The following LPP variants were observed in gnomAD, a reference collection of about 807,000 sequenced individuals.
The protein encoded by LPP is LIM domain containing preferred translocation partner in lipoma, also known as lipoma-preferred partner.
LPP carries 38 observed loss-of-function variants against 60.4 expected under a neutral mutation model. That is an observed-to-expected ratio of 0.63 (90% CI 0.49 to 0.83). The LOEUF is 0.83. LPP is among the 40% of genes least tolerant of loss of function. The probability of loss-of-function intolerance (pLI) is 0.00; values close to 1 mark genes in which losing one functional copy is unlikely to be tolerated. For synonymous variants in LPP, 328 were observed against 290.8 expected, an observed-to-expected ratio of 1.13 and a Z score of -1.30; for missense variants, 902 against 783.6, an observed-to-expected ratio of 1.15 and a Z score of -1.80.
At chr3:188,464,303 C>T (rs1203886110) in intron 4 of LPP, among the ~76,000 whole-genome samples, 1 of 152,128 alleles carries the variant, frequency 6.6e-6, no homozygotes, top group East Asian at 1.9e-4. Context: ...TAGCTGCTAG[C>T]CCCATGTGAC....
intron 2 of LPP, among the ~76,000 whole-genome samples, chr3:188,291,822 G>A (rs1746079373): frequency 6.6e-6 from 1 of 152,008 alleles, no homozygotes; most frequent in Non-Finnish European, 1.5e-5. Context: ...GTGGATCTGT[G>A]GTTCAGAGAA....
chr3:188,171,928 A>G (rs1721702791), intron 1 of LPP, among the ~76,000 whole-genome samples: 1 of 152,224 alleles, frequency 6.6e-6, no homozygotes, highest in Admixed American at 6.5e-5. Flanking sequence ...GCAGACAGCC[A>G]GCAAGTAGCC....
chr3:188,374,637 T>C lies in LPP; in HGVS notation c.-9-31475T>C, dbSNP rs574983034. Reference sequence around the variant, plus strand: ...ATGATGGGGTTTTCTAGATATACAATCATGTCGTCTGCAAACAGGGCCAAT... The same window carrying C: ...ATGATGGGGTTTTCTAGATATACAACCATGTCGTCTGCAAACAGGGCCAAT... On this transcript the variant is annotated intron_variant, in intron 3 of 11. Transcript: ENST00000617246. Among the ~76,000 whole-genome samples, 529 of 152,296 alleles carry C rather than the reference T, an allele frequency of 3.5e-3. 5 individuals carry two copies. Among genetic ancestry groups the C allele is most frequent in the African/African-American group, 0.012 (483 of 41,570 alleles).
chr3:188,585,028 G>A (rs1182436947), intron 6 of LPP, among the ~76,000 whole-genome samples: 1 of 152,112 alleles, frequency 6.6e-6, no homozygotes, highest in African/African-American at 2.4e-5. Flanking sequence ...ATTACTCTAG[G>A]ATTTCCACTG....
chr3:188,872,769 G>A lies in LPP; in HGVS notation c.1710+6G>A, dbSNP rs769434950. 1.9e-6 allele frequency: 3 copies of A among 1,613,604 alleles called. No homozygotes were observed. The highest frequency in any genetic ancestry group is 1.7e-6 in the Non-Finnish European group (2 of 1,179,914). ...TTCACTGCTACCGATGCGAGGTCTG[G>A]TTGACAGCCCTGCCCTGCCAGTCTG... On this transcript the variant is annotated splice_donor_region_variant and intron_variant, in intron 11 of 11. Coordinates refer to ENST00000617246, the MANE Select transcript of LPP (RefSeq NM_001375462.1).
At chr3:188,302,363 A>G (rs1219352304) in intron 2 of LPP, among the ~76,000 whole-genome samples, 1 of 152,216 alleles carries the variant, frequency 6.6e-6, no homozygotes, top group East Asian at 1.9e-4. Context: ...ATGAAACCTT[A>G]GCTATATATC....
At chr3:188,203,579 A>G (rs1195663045) in intron 1 of LPP, among the ~76,000 whole-genome samples, 1 of 91,674 alleles carries the variant, frequency 1.1e-5, no homozygotes, top group South Asian at 2.8e-4. Context: ...ATATATTTAA[A>G]TATATATATA....
intron 1 of LPP, among the ~76,000 whole-genome samples, chr3:188,214,604 A>C (rs937552425): frequency 6.6e-6 from 1 of 152,182 alleles, no homozygotes; most frequent in South Asian, 2.1e-4. Flanking sequence ...CGACTCTCTA[A>C]TCTGCTTTGA....
chr3:188,379,232 T>C (rs569829257), intron 3 of LPP, among the ~76,000 whole-genome samples: 1 of 152,230 alleles, frequency 6.6e-6, no homozygotes, highest in Non-Finnish European at 1.5e-5. Context: ...TAACCAAAAG[T>C]AATTATATTG....
chr3:188,872,354 C>G (rs995722269), intron 10 of LPP, among the ~76,000 whole-genome samples: 6 of 152,186 alleles, frequency 3.9e-5, no homozygotes, highest in African/African-American at 1.4e-4. Flanking sequence ...GGTTTGCATT[C>G]AGAATCTATC....
upstream of LPP, chr3:188,153,911 T>A (rs1376553626): frequency 1.3e-5 from 2 of 152,894 alleles, no homozygotes; most frequent in East Asian, 3.9e-4. Flanking sequence ...CAGCAGCCGC[T>A]CCAGCCCTGC....
At chr3:188,296,981 C>A (rs751375111) in intron 2 of LPP, among the ~76,000 whole-genome samples, 1 of 152,176 alleles carries the variant, frequency 6.6e-6, no homozygotes, top group African/African-American at 2.4e-5. Flanking sequence ...AGAAAGGAGA[C>A]GTTCTGCAGT....
chr3:188,588,994 T>G (rs1040776333), intron 6 of LPP, among the ~76,000 whole-genome samples: 35 of 152,088 alleles, frequency 2.3e-4, no homozygotes, highest in African/African-American at 8.5e-4. Context: ...ATTTTGCCTC[T>G]TTTGCTGGTG....
At chr3:188,595,085 C>G (rs1407734337) in intron 6 of LPP, among the ~76,000 whole-genome samples, 2 of 152,090 alleles carry the variant, frequency 1.3e-5, no homozygotes, top group Admixed American at 1.3e-4. Context: ...CCTTAGGTAT[C>G]AGAATTTATC....
At chr3:188,846,302 A>T (rs893633420) in intron 9 of LPP, among the ~76,000 whole-genome samples, 1 of 152,206 alleles carries the variant, frequency 6.6e-6, no homozygotes, top group Admixed American at 6.5e-5. Flanking sequence ...AGAACAGGGC[A>T]CACATGATCG....
intron 2 of LPP, among the ~76,000 whole-genome samples, chr3:188,231,672 C>A (rs1462790222): frequency 6.6e-6 from 1 of 151,914 alleles, no homozygotes; most frequent in Non-Finnish European, 1.5e-5. Flanking sequence ...GAGGAACCAT[C>A]TGCAGCTCCT....
At position 188,719,140 on chromosome 3, in the gene LPP, A is replaced by G. The variant is rs557103141; in HGVS notation, c.1240+10747A>G. ...TGAAATTTAAAGGTTCAACTGGTCA[A>G]TGAAGAGAGTACTTGGTTAAGATTT... On this transcript the variant is annotated intron_variant, in intron 8 of 11. Coordinates refer to ENST00000617246, the MANE Select transcript of LPP (RefSeq NM_001375462.1). 1.1e-4 allele frequency among the ~76,000 whole-genome samples: 16 copies of G among 152,298 alleles called. 1 individual carries two copies. The highest frequency in any genetic ancestry group is 3.4e-4 in the African/African-American group (14 of 41,564).
intron 7 of LPP, among the ~76,000 whole-genome samples, chr3:188,615,590 A>G (rs1844686579): frequency 6.6e-6 from 1 of 152,206 alleles, no homozygotes; most frequent in Non-Finnish European, 1.5e-5. Context: ...TTTATTGAAC[A>G]TTGTGTTCAC....
At chr3:188,371,641 A>ATATATATATATTT (rs1553878071) in intron 3 of LPP, among the ~76,000 whole-genome samples, 6 of 32,170 alleles carry the variant, frequency 1.9e-4, no homozygotes, top group East Asian at 1.7e-3. Context: ...ATATATATAT[A>ATATATATATATTT]TTTTTTTTTT....
Sources: allele counts gnomAD v4.1 joint callset (sites outside exome capture counted in the v4.1 genomes callset), GRCh38; gene constraint gnomAD v4.1.1; transcripts MANE v1.5; gene names NCBI Gene and HGNC (gene_info 2026-07-23, HGNC 2026-07-21).